The following ADGRB2 variants were observed in gnomAD, a reference collection of about 807,000 sequenced individuals.
ADGRB2 encodes the protein brain-specific angiogenesis inhibitor 2.
ADGRB2 carries 47 observed loss-of-function variants against 178.7 expected under a neutral mutation model. The ratio of observed to expected loss-of-function variants is 0.26; its 90% CI spans 0.21 to 0.34. The LOEUF (loss-of-function observed/expected upper bound fraction) is 0.34, where lower values mean the gene tolerates loss of function less well. Ranked by LOEUF, ADGRB2 falls within the 10% of genes least tolerant of loss-of-function variation. The probability of loss-of-function intolerance (pLI) is 1.00; values close to 1 mark genes in which losing one functional copy is unlikely to be tolerated. For synonymous variants in ADGRB2, 870 were observed against 912.4 expected, an observed-to-expected ratio of 0.95 and a Z score of 0.84; for missense variants, 1,584 against 2,180.8, an observed-to-expected ratio of 0.73 and a Z score of 5.45.
In ADGRB2 at chr1:31,755,731, C is replaced by A. The variant is rs555955396; in HGVS notation, c.838+268G>T. ...ACTTCCTTCAGGGAGCCTCCCCTGG[C>A]TGCCCAGTTAGGAGGTCCCTCCCTG... On this transcript the variant is annotated intron_variant, in intron 4 of 32. Transcript: ENST00000373658. The surrounding 1 kb of genome is among the most constrained non-coding windows in gnomAD (Gnocchi z 5.1). 3.3e-5 allele frequency among the ~76,000 whole-genome samples: 5 copies of A among 152,042 alleles called. No homozygotes were observed. In the East Asian group the frequency reaches 9.7e-4, roughly 30 times the overall value.
In ADGRB2 at chr1:31,740,257, G is replaced by A. The variant is rs1021464060; in HGVS notation, c.1990-79C>T. Reference sequence around the variant, plus strand: ...TTCCCCCACTATAGCCACACTTGCCGCCTCTACAGCAGACTCTGCCTAGGG... The same window carrying A: ...TTCCCCCACTATAGCCACACTTGCCACCTCTACAGCAGACTCTGCCTAGGG... On this transcript the variant is annotated intron_variant, in intron 12 of 32. Transcript: ENST00000373658. The surrounding 1 kb of genome is among the most constrained non-coding windows in gnomAD (Gnocchi z 5.9). 31 of 1,606,776 alleles carry A rather than the reference G, an allele frequency of 1.9e-5. No homozygotes were observed. Among genetic ancestry groups the A allele is most frequent in the African/African-American group, 1.3e-4 (10 of 74,758 alleles).
intron 6 of ADGRB2, among the ~76,000 whole-genome samples, chr1:31,743,235 T>A (rs891999952): frequency 7.9e-5 from 12 of 152,020 alleles, no homozygotes; most frequent in Admixed American, 2.6e-4. Flanking sequence ...ACAGCCCCTG[T>A]GGACGCCTGG....
Position 31,764,097 on chromosome 1 carries a change from C to A in ADGRB2, c.-404G>T. 1 of 966,448 alleles carries A rather than the reference C, an allele frequency of 1.0e-6. No homozygotes were observed. The highest frequency in any genetic ancestry group is 1.2e-6 in the Non-Finnish European group (1 of 816,338). 59.9% of individuals were successfully genotyped at this position (966,448 alleles called of 1,614,324 possible). On this transcript the variant is annotated 5_prime_UTR_variant, in exon 1 of 33. Transcript: ENST00000373658. This position sits in a 1 kb window ranked among gnomAD's most constrained non-coding sequence, Gnocchi z 7.3. Reference sequence around the variant, plus strand: ...GGCGGGCGGGCGGCGCCGGGCCGGGCGCGGGCTCCTGCCGCCGCCGCCGCC... The same window carrying A: ...GGCGGGCGGGCGGCGCCGGGCCGGGAGCGGGCTCCTGCCGCCGCCGCCGCC...
chr1:31,738,491 C>A (rs1474602190), intron 17 of ADGRB2, 96 bp downstream of exon 17: 1 of 1,537,316 alleles, frequency 6.5e-7, no homozygotes, highest in East Asian at 2.4e-5. Flanking sequence ...TAGGATGGCA[C>A]CAAAAATCCC....
At position 31,728,689 on chromosome 1, in the gene ADGRB2, A is replaced by G; in HGVS notation, c.4381-56T>C. 6.2e-7 allele frequency: 1 copy of G among 1,600,924 alleles called. No homozygotes were observed. Among genetic ancestry groups the G allele is most frequent in the Non-Finnish European group, 8.6e-7 (1 of 1,168,610 alleles). On this transcript the variant is annotated intron_variant, in intron 29 of 32. Transcript: ENST00000373658. This position sits in a 1 kb window ranked among gnomAD's most constrained non-coding sequence, Gnocchi z 6.7. ...GAGAAGAAAGCTTTTTACCACCGGC[A>G]GGGGCTTTAGAGACAGGAAGCCTGG...
At chr1:31,742,275 G>A in intron 7 of ADGRB2, 58 bp from the exon 8 acceptor site, 1 of 1,540,078 alleles carries the variant, frequency 6.5e-7, no homozygotes, top group Non-Finnish European at 8.8e-7. Flanking sequence ...AGGGCTGGTG[G>A]TGTGGAGAAC....
chr1:31,762,837 C>T (rs776891170), intron 1 of ADGRB2, among the ~76,000 whole-genome samples: 16 of 152,128 alleles, frequency 1.1e-4, no homozygotes, highest in Non-Finnish European at 1.9e-4. Context: ...CAGAGGACGC[C>T]CAGGAGCCCG....
At chr1:31,752,531 C>T (rs1262952841) in intron 4 of ADGRB2, among the ~76,000 whole-genome samples, 1 of 152,208 alleles carries the variant, frequency 6.6e-6, no homozygotes, top group Non-Finnish European at 1.5e-5. Context: ...AATCTTAGGA[C>T]AGGGCTGGGC....
rs113457838 is a variant in ADGRB2 at position 31,727,185 on chromosome 1, A to C, written c.*235T>G. 2,247 of 474,656 alleles carry C rather than the reference A, an allele frequency of 4.7e-3. 18 individuals carry two copies. The highest frequency in any genetic ancestry group is 0.017 in the East Asian group (441 of 25,232). 29.4% of individuals were successfully genotyped at this position (474,656 alleles called of 1,614,324 possible). A position where few individuals can be genotyped will look rare whatever the true frequency, so the allele number is the denominator to read the frequency against. Reference sequence around the variant, plus strand: ...TCCCCAGCCCGGGACAGGGACGGACAGGCTGGGCTGAAGATGGGGTTCCAG... The same window carrying C: ...TCCCCAGCCCGGGACAGGGACGGACCGGCTGGGCTGAAGATGGGGTTCCAG... On this transcript the variant is annotated 3_prime_UTR_variant, in exon 33 of 33. Transcript: ENST00000373658. The surrounding 1 kb of genome is among the most constrained non-coding windows in gnomAD (Gnocchi z 4.4).
intron 15 of ADGRB2, 145 bp from the exon 16 acceptor site, chr1:31,739,082 A>G (rs2050256): frequency 0.21 from 176,414 of 843,544 alleles, 21,638 homozygotes; most frequent in African/African-American, 0.44. Context: ...CCAGGACTTC[A>G]GGTGAGGTCT....
chr1:31,744,307 A>G lies in ADGRB2; in HGVS notation c.973T>C (p.Cys325Arg). The part of the protein sequence containing the change: ...WSPWSVCSLT[C>R]GQGLQVRTRS... The stretch of plus-strand genomic sequence containing the variant: ...GTCCGCACCTGCAGACCCTGCCCAC[A>G]CGTCAGGGAACACACGCTCCACGGG... Residue 325 changes from cysteine (C) to arginine (R), a missense_variant, in exon 6 of 33, where the codon TGT becomes CGT. By Grantham distance (180) the Cys-to-Arg change is radical. Transcript: ENST00000373658. This position sits in a 1 kb window ranked among gnomAD's most constrained non-coding sequence, Gnocchi z 6.7. 6.4e-7 allele frequency: 1 copy of G among 1,551,372 alleles called. No individual in the cohort carries two copies. Among genetic ancestry groups the G allele is most frequent in the Non-Finnish European group, 8.7e-7 (1 of 1,146,924 alleles).
chr1:31,756,484 A>G lies in ADGRB2; in HGVS notation c.353T>C (p.Val118Ala), dbSNP rs560125653. The G allele has an allele frequency of 1.2e-6, 2 of 1,611,918 alleles. No homozygotes were observed. The highest frequency in any genetic ancestry group is 2.7e-5 in the African/African-American group (2 of 75,032). ...CCCCACCTCTGACTCCGCCTGGGCC[A>G]CCGCCTCCTCGGGGCTAGGCCGCAG... ...TCLRPSPEEAVAQAESEVGRP... is the reference protein window; with the variant it reads ...TCLRPSPEEAAAQAESEVGRP... Residue 118 changes from valine to alanine, a missense_variant, in exon 4 of 33, where the codon GTG becomes GCG. Val to Ala is a moderately conservative substitution (Grantham distance 64). Around this residue, in one of 3 missense-constraint regions of ADGRB2, gnomAD observed 657 missense variants for 847.6 expected, o/e 0.78. Coordinates refer to ENST00000373658, the MANE Select transcript of ADGRB2 (RefSeq NM_001364857.2). The surrounding 1 kb of genome is among the most constrained non-coding windows in gnomAD (Gnocchi z 8.5).
Position 31,735,839 on chromosome 1 carries a change from G to A in ADGRB2, c.3255C>T (p.Ala1085=), listed in dbSNP as rs774814246. The change falls in exon 23 of 33, where the codon GCC becomes GCT. Residue 1085 remains alanine (A), a synonymous_variant. Transcript: ENST00000373658. This position sits in a 1 kb window ranked among gnomAD's most constrained non-coding sequence, Gnocchi z 6.0. ...GLLYAFVGPA[A]VIVLVNMLIG... is the part of the protein sequence containing the mutation. ...AACGGGCACATACCAGGACAATGAC[G>A]GCTGCAGGGCCCACAAAGGCGTAGA... The A allele has an allele frequency of 6.6e-5, 107 of 1,609,268 alleles. No homozygotes were observed. In the Admixed American group the frequency reaches 8.6e-4, roughly 13 times the overall value.
Position 31,737,775 on chromosome 1 carries a change from A to G in ADGRB2, c.2773-20T>C. 1 of 1,609,300 alleles carries G rather than the reference A, an allele frequency of 6.2e-7. No homozygotes were observed. Among genetic ancestry groups the G allele is most frequent in the Non-Finnish European group, 8.5e-7 (1 of 1,176,722 alleles). ...CAGGGTCTGGGGAAGATGGGCAGAC[A>G]GTCAGATGGGTTCCTGGGAGGGGGG... On this transcript the variant is annotated intron_variant, in intron 18 of 32. Coordinates refer to ENST00000373658, the MANE Select transcript of ADGRB2 (RefSeq NM_001364857.2).
In ADGRB2 at chr1:31,739,416, G is replaced by A. The variant is rs1299482961; in HGVS notation, c.2387C>T (p.Pro796Leu). ...GRGPGTVPPG[P>L]GHSHQRLLPA... ...GAGGAGGCGCTGGTGGGAGTGGCCT[G>A]GGCCAGGAGGCACCGTTCCTGGGCC... is the stretch of plus-strand genomic sequence containing the variant. The change falls in exon 15 of 33, where the codon CCA (proline) becomes CTA (leucine). Residue 796 changes from proline to leucine, a missense_variant. Physicochemically the swap from Pro to Leu is moderately conservative, Grantham distance 98. Around this residue, in one of 3 missense-constraint regions of ADGRB2, gnomAD observed 865 missense variants for 1,192.8 expected, o/e 0.73. Transcript: ENST00000373658. The A allele has an allele frequency of 1.3e-6, 2 of 1,567,412 alleles. No individual in the cohort carries two copies. Among genetic ancestry groups the A allele is most frequent in the Admixed American group, 1.9e-5 (1 of 53,080 alleles).
intron 26 of ADGRB2, 49 bp downstream of exon 26, chr1:31,732,923 G>C (rs1263647207): frequency 1.1e-5 from 17 of 1,530,938 alleles, no homozygotes; most frequent in Non-Finnish European, 1.3e-5. Context: ...GAAGCCAAGG[G>C]CCTGGCAGGT....
chr1:31,737,606 G>A (rs775957686), intron 19 of ADGRB2, 46 bp downstream of exon 19: 19 of 1,610,464 alleles, frequency 1.2e-5, no homozygotes, highest in African/African-American at 5.3e-5. Context: ...CACCTTCTGC[G>A]CCTGCCCCCC....
intron 4 of ADGRB2, among the ~76,000 whole-genome samples, chr1:31,748,812 C>A (rs546722319): frequency 6.6e-6 from 1 of 152,376 alleles, no homozygotes; most frequent in East Asian, 1.9e-4. Context: ...AATAAGGCAA[C>A]GTTTACTAAA....
intron 1 of ADGRB2, 119 bp downstream of exon 1, chr1:31,763,765 G>T: frequency 3.1e-6 from 3 of 981,168 alleles, no homozygotes; most frequent in Non-Finnish European, 3.6e-6. Flanking sequence ...CGGGCTGGGG[G>T]AGAATTCAGC....
Sources: gnomAD v4.1 joint callset for allele counts (sites outside exome capture counted in the v4.1 genomes callset) on GRCh38, gnomAD v4.1.1 for gene constraint, gnomAD v4.1.1 regional missense constraint, Gnocchi (gnomAD v3.1) non-coding constraint, MANE v1.5 for transcripts, NCBI Gene and HGNC (gene_info 2026-07-23, HGNC 2026-07-21) for gene names.